CATSPERE: variants seen among roughly 807,000 people sequenced by gnomAD.
CATSPERE encodes cation channel sperm-associated auxiliary subunit epsilon.
A neutral mutation model predicts 114.1 loss-of-function variants in CATSPERE; 93 were observed. That is an observed-to-expected ratio of 0.81 (90% CI 0.69 to 0.97). CATSPERE has a LOEUF of 0.97. CATSPERE is among the 50% of genes least tolerant of loss of function. The pLI is 0.00. For synonymous variants in CATSPERE, 341 were observed against 384.1 expected, an observed-to-expected ratio of 0.89 and a Z score of 1.31; for missense variants, 1,058 against 1,131.6, an observed-to-expected ratio of 0.93 and a Z score of 0.93.
intron 1 of CATSPERE, among the ~76,000 whole-genome samples, chr1:244,461,717 T>A (rs533448573): frequency 6.6e-6 from 1 of 152,286 alleles, no homozygotes; most frequent in South Asian, 2.1e-4. Context: ...GCTACCCTGC[T>A]CCAGCTCCTG....
At chr1:244,494,229 T>G (rs1255128891) in intron 6 of CATSPERE, among the ~76,000 whole-genome samples, 1 of 151,700 alleles carries the variant, frequency 6.6e-6, no homozygotes, top group East Asian at 1.9e-4. Context: ...TAGACTGGAT[T>G]AAGAAAATGT....
chr1:244,538,605 G>A (rs1177926302), intron 8 of CATSPERE, among the ~76,000 whole-genome samples: 1 of 152,158 alleles, frequency 6.6e-6, no homozygotes, highest in Non-Finnish European at 1.5e-5. Context: ...ACTAAGAAAA[G>A]CCATATTCAA....
At position 244,461,330 on chromosome 1, in the gene CATSPERE, C is replaced by G. The variant is rs923334691; in HGVS notation, c.-100C>G. ...CCGCCCTGTCCAGAGGCGCCGGGAC[C>G]CAGGCGCCTGCAGCCGCCCGCCGGG... On this transcript the variant is annotated 5_prime_UTR_variant, in exon 1 of 22. Coordinates refer to ENST00000366534, the MANE Select transcript of CATSPERE (RefSeq NM_001130957.2). 2 of 1,071,032 alleles carry G rather than the reference C, an allele frequency of 1.9e-6. No individual in the cohort carries two copies. Among genetic ancestry groups the G allele is most frequent in the Non-Finnish European group, 2.4e-6 (2 of 825,296 alleles). The allele number at this position is 1,071,032 out of a possible 1,614,324, so 66.3% of individuals were successfully genotyped here. A position where few individuals can be genotyped will look rare whatever the true frequency, so the allele number is the denominator to read the frequency against.
Position 244,588,521 on chromosome 1 carries a change from A to G in CATSPERE, c.2125A>G (p.Ile709Val). Residue 709 changes from isoleucine to valine, a missense_variant, in exon 14 of 22, where the codon ATT becomes GTT. Coordinates refer to ENST00000366534, the MANE Select transcript of CATSPERE (RefSeq NM_001130957.2). ...IAVGCDDKKF[I>V]AIKGFSKKGC... ...TGTTGGCTGTGATGATAAAAAATTCATTGCAATTAAAGGGTAAGTATATTT... is the reference window on the plus strand; with the variant it reads ...TGTTGGCTGTGATGATAAAAAATTCGTTGCAATTAAAGGGTAAGTATATTT... The G allele has an allele frequency of 6.2e-7, 1 of 1,610,496 alleles. No homozygotes were observed.
intron 19 of CATSPERE, among the ~76,000 whole-genome samples, chr1:244,616,309 G>C (rs1363860211): frequency 6.6e-6 from 1 of 152,206 alleles, no homozygotes; most frequent in Non-Finnish European, 1.5e-5. Context: ...TTGAGACTGT[G>C]CAAGAGCTGA....
At chr1:244,527,435 T>A (rs980798486) in intron 8 of CATSPERE, among the ~76,000 whole-genome samples, 1 of 152,208 alleles carries the variant, frequency 6.6e-6, no homozygotes, top group African/African-American at 2.4e-5. Flanking sequence ...GAGTTTAAGG[T>A]TATCTCTCTT....
chr1:244,609,180 C>T (rs1026984277), intron 18 of CATSPERE, among the ~76,000 whole-genome samples: 2 of 151,778 alleles, frequency 1.3e-5, no homozygotes, highest in South Asian at 2.1e-4. Flanking sequence ...AGCAAGATTC[C>T]GTCTCTAAAC....
At chr1:244,592,136 G>A (rs914906397) in intron 15 of CATSPERE, among the ~76,000 whole-genome samples, 1 of 152,126 alleles carries the variant, frequency 6.6e-6, no homozygotes, top group African/African-American at 2.4e-5. Context: ...ATCACCTGAG[G>A]TCAAGAGTTC....
At chr1:244,580,267 G>C (rs1665974212) in intron 11 of CATSPERE, among the ~76,000 whole-genome samples, 1 of 147,422 alleles carries the variant, frequency 6.8e-6, no homozygotes, top group African/African-American at 2.5e-5. Context: ...TGGCCAAGCT[G>C]GTCTTGAACT....
At chr1:244,538,789 C>A (rs189737304) in intron 8 of CATSPERE, among the ~76,000 whole-genome samples, 47 of 152,268 alleles carry the variant, frequency 3.1e-4, no homozygotes, top group African/African-American at 1.0e-3. Context: ...TCGTGTCTCA[C>A]CCCACAGGAC....
intron 14 of CATSPERE, among the ~76,000 whole-genome samples, chr1:244,590,212 G>A (rs1293286884): frequency 1.3e-5 from 2 of 152,092 alleles, no homozygotes; most frequent in Admixed American, 6.5e-5. Flanking sequence ...TAATTACAAC[G>A]ATCATTATAG....
rs1553356192 is a variant in CATSPERE at position 244,553,624 on chromosome 1, C to CACACACACATATATACAT, written c.1029+819_1029+820insTATATACATACACACACA. Among the ~76,000 whole-genome samples the CACACACACATATATACAT allele has an allele frequency of 7.1e-4, 102 of 144,468 alleles. 1 individual carries two copies. The highest frequency in any genetic ancestry group is 2.4e-3 in the African/African-American group (88 of 36,424). 94.8% of individuals were successfully genotyped at this position (144,468 alleles called of 152,430 possible). A position where few individuals can be genotyped will look rare whatever the true frequency, so the allele number is the denominator to read the frequency against. On this transcript the variant is annotated intron_variant, in intron 9 of 21. Coordinates refer to ENST00000366534, the MANE Select transcript of CATSPERE (RefSeq NM_001130957.2). Reference sequence around the variant, plus strand: ...AAATACACACACACACACACACACACACACACACACACACACACACATACA... The same window carrying CACACACACATATATACAT: ...AAATACACACACACACACACACACACACACACACATATATACATACACACACACACACACACACATACA...
chr1:244,630,295 C>T (rs867026300), intron 20 of CATSPERE, among the ~76,000 whole-genome samples: 2 of 152,154 alleles, frequency 1.3e-5, no homozygotes, highest in Admixed American at 1.3e-4. Context: ...AAAGCTCCCA[C>T]ATCATGTGTA....
At chr1:244,551,474 A>T (rs146205389) in intron 8 of CATSPERE, among the ~76,000 whole-genome samples, 2,379 of 152,378 alleles carry the variant, frequency 0.016, 29 homozygotes, top group Non-Finnish European at 0.026. Flanking sequence ...AAACATACTC[A>T]TAGTAGAACT....
rs759061721 is a variant in CATSPERE at position 244,640,125 on chromosome 1, A to C, written c.*44A>C. 1 of 1,426,586 alleles carries C rather than the reference A, an allele frequency of 7.0e-7. No individual in the cohort carries two copies. The highest frequency in any genetic ancestry group is 1.4e-5 in the African/African-American group (1 of 70,058). The allele number at this position is 1,426,586 out of a possible 1,614,324, so 88.4% of individuals were successfully genotyped here. The stretch of plus-strand genomic sequence containing the variant: ...TATTACAGATATATGCATATAGAGA[A>C]ACAGTGTATTACATAGTGATATTGA... On this transcript the variant is annotated 3_prime_UTR_variant, in exon 22 of 22. Transcript: ENST00000366534.
intron 19 of CATSPERE, among the ~76,000 whole-genome samples, chr1:244,611,307 G>A (rs1272928447): frequency 5.3e-5 from 8 of 151,756 alleles, no homozygotes; most frequent in African/African-American, 1.9e-4. Context: ...AATCATAAGG[G>A]GGCCAGGCAT....
chr1:244,593,636 G>T, intron 17 of CATSPERE, 58 bp downstream of exon 17: 2 of 1,392,918 alleles, frequency 1.4e-6, no homozygotes, highest in Non-Finnish European at 2.0e-6. Context: ...CTCAAAGCAC[G>T]AAAACAAGAC....
intron 17 of CATSPERE, 120 bp from the exon 18 acceptor site, chr1:244,605,575 T>C: frequency 1.8e-6 from 1 of 540,628 alleles, no homozygotes; most frequent in East Asian, 3.2e-5. Context: ...AGTTACTTTA[T>C]CACTTTATGA....
intron 20 of CATSPERE, among the ~76,000 whole-genome samples, chr1:244,630,420 G>A (rs949436407): frequency 1.3e-5 from 2 of 152,192 alleles, no homozygotes; most frequent in African/African-American, 4.8e-5. Context: ...GTGGTGTGGG[G>A]AGGAGGGAAT....
Sources: allele counts gnomAD v4.1 joint callset (sites outside exome capture counted in the v4.1 genomes callset), GRCh38; gene constraint gnomAD v4.1.1; transcripts MANE v1.5; gene names NCBI Gene and HGNC (gene_info 2026-07-23, HGNC 2026-07-21).